The following TATDN2 variants were observed in gnomAD, a reference collection of about 807,000 sequenced individuals.
TATDN2 encodes TatD DNase domain containing 2.
A neutral mutation model predicts 60.3 loss-of-function variants in TATDN2; 44 were observed. That is an observed-to-expected ratio of 0.73 (90% confidence interval 0.57 to 0.94). The LOEUF is 0.94. TATDN2 is among the 40% of genes least tolerant of loss of function. The pLI is 0.00. For missense variants in TATDN2, 997 were observed against 948.0 expected (o/e 1.05, Z -0.68); for synonymous variants, 399 against 355.8 (o/e 1.12, Z -1.37).
chr3:10,249,588 C>G lies in TATDN2; in HGVS notation c.388C>G (p.Leu130Val), dbSNP rs1226069178. 4 of 1,528,982 alleles carry G rather than the reference C, an allele frequency of 2.6e-6. No individual in the cohort carries two copies. Among genetic ancestry groups the G allele is most frequent in the Non-Finnish European group, 3.5e-6 (4 of 1,140,130 alleles). 94.7% of individuals were successfully genotyped at this position (1,528,982 alleles called of 1,614,324 possible). A position where few individuals can be genotyped will look rare whatever the true frequency, so the allele number is the denominator to read the frequency against. Residue 130 changes from leucine (L) to valine (V), a missense_variant, in exon 2 of 8, where the codon CTA becomes GTA. Physicochemically the swap from Leu to Val is conservative, Grantham distance 32. Transcript: ENST00000448281. ...CGCCTCTTTGGAAGAAATGGCTTCT[C>G]TAGAGGAGGAAGCCTGCAGCCTTAA... ...ANASLEEMAS[L>V]EEEACSLKVD...
chr3:10,276,511 G>A (rs770406567), intron 5 of TATDN2, 23 bp downstream of exon 5: 25 of 1,611,268 alleles, frequency 1.6e-5, no homozygotes, highest in Admixed American at 3.4e-5. Flanking sequence ...GAACTTCAGC[G>A]GGCAAATGAA....
At chr3:10,260,736 T>C in intron 3 of TATDN2, 66 bp downstream of exon 3, 1 of 1,532,602 alleles carries the variant, frequency 6.5e-7, no homozygotes, top group Non-Finnish European at 8.8e-7. Flanking sequence ...TCCATCTTTC[T>C]AGTTTGATCC....
chr3:10,279,314 A>G lies in TATDN2; in HGVS notation c.*132A>G, dbSNP rs1163468797. 1 of 201,816 alleles carries G rather than the reference A, an allele frequency of 5.0e-6. No homozygotes were observed. 12.5% of individuals were successfully genotyped at this position (201,816 alleles called of 1,614,324 possible). ...AGAGCTGATTGGAACACAGAAAACC[A>G]GGACAGGATGTTTTCCTCCAAGCGG... On this transcript the variant is annotated 3_prime_UTR_variant, in exon 8 of 8. Coordinates refer to ENST00000448281, the MANE Select transcript of TATDN2 (RefSeq NM_014760.4).
intron 3 of TATDN2, among the ~76,000 whole-genome samples, chr3:10,266,804 C>T (rs1380649902): frequency 6.6e-6 from 1 of 152,080 alleles, no homozygotes; most frequent in African/African-American, 2.4e-5. Context: ...TAGAAATGTT[C>T]TTGTGGGCTG....
At chr3:10,276,245 T>G (rs1162434102) in intron 4 of TATDN2, 116 bp from the exon 5 acceptor site, 3 of 1,281,872 alleles carry the variant, frequency 2.3e-6, no homozygotes, top group African/African-American at 1.5e-5. Flanking sequence ...TATTATTACA[T>G]TATATAGTTA....
At chr3:10,257,841 ATTTTTTTTTTT>A (rs553265148) in intron 2 of TATDN2, among the ~76,000 whole-genome samples, 952 of 30,242 alleles carry the variant, frequency 0.031, 14 homozygotes, top group African/African-American at 0.082. Flanking sequence ...AAGGTTTATG[ATTTTTTTTTTT>A]TTTTTTTTTT....
chr3:10,263,386 G>A (rs1352511504), intron 3 of TATDN2, among the ~76,000 whole-genome samples: 6 of 152,008 alleles, frequency 3.9e-5, no homozygotes, highest in South Asian at 4.1e-4. Context: ...TTTTCTTTCC[G>A]TATTTTTCTT....
chr3:10,263,062 G>A (rs943536569), intron 3 of TATDN2, among the ~76,000 whole-genome samples: 4 of 152,066 alleles, frequency 2.6e-5, no homozygotes, highest in African/African-American at 7.2e-5. Flanking sequence ...CACCACACCC[G>A]GCTAATTTTT....
chr3:10,278,495 G>A lies in TATDN2; in HGVS notation c.2145+33G>A, dbSNP rs373732548. ...GGTCTTCAGGCTGAGTGGAGGCACC[G>A]GAGGGAGAGGGTGGGGAGGTGGGTG... On this transcript the variant is annotated intron_variant, in intron 6 of 7. Transcript: ENST00000448281. This position sits in a 1 kb window ranked among gnomAD's most constrained non-coding sequence, Gnocchi z 4.7. 3.3e-5 allele frequency: 53 copies of A among 1,603,198 alleles called. No individual in the cohort carries two copies. The highest frequency in any genetic ancestry group is 5.4e-5 in the African/African-American group (4 of 74,754).
chr3:10,271,407 G>A (rs1698561955), intron 4 of TATDN2, among the ~76,000 whole-genome samples: 1 of 152,148 alleles, frequency 6.6e-6, no homozygotes, highest in Admixed American at 6.5e-5. Flanking sequence ...TCCGCCTCCT[G>A]GGTTCAAACT....
chr3:10,254,516 G>A (rs563650964), intron 2 of TATDN2, among the ~76,000 whole-genome samples: 1 of 152,308 alleles, frequency 6.6e-6, no homozygotes. Flanking sequence ...TAGACAGGAA[G>A]GCTGGGGCCA....
chr3:10,260,057 C>A (rs1013909756), intron 2 of TATDN2, 80 bp from the exon 3 acceptor site: 24 of 1,481,320 alleles, frequency 1.6e-5, no homozygotes, highest in Non-Finnish European at 2.2e-5. Context: ...AGAACCACCA[C>A]TGATTTATAA....
chr3:10,278,219 G>A lies in TATDN2; in HGVS notation c.1962-60G>A, dbSNP rs1403032725. On this transcript the variant is annotated intron_variant, in intron 5 of 7. Coordinates refer to ENST00000448281, the MANE Select transcript of TATDN2 (RefSeq NM_014760.4). The surrounding 1 kb of genome is among the most constrained non-coding windows in gnomAD (Gnocchi z 4.7). ...TGAAAAGGGGTGATGGGTGTGGGGG[G>A]AGCTGGGGGCTGCTGCAGAGGGGAC... is the stretch of plus-strand genomic sequence containing the variant. 2.6e-6 allele frequency: 4 copies of A among 1,557,820 alleles called. No individual in the cohort carries two copies. In the East Asian group the frequency reaches 6.8e-5, roughly 26 times the overall value.
chr3:10,260,088 C>CGAA, intron 2 of TATDN2, 49 bp from the exon 3 acceptor site: 6 of 1,554,110 alleles, frequency 3.9e-6, no homozygotes, highest in Non-Finnish European at 5.2e-6. Context: ...GCTTCATGTA[C>CGAA]GAAAGTGCCC....
intron 4 of TATDN2, 97 bp from the exon 5 acceptor site, chr3:10,276,260 AAGAG>A (rs901285085): frequency 2.8e-5 from 40 of 1,442,426 alleles, no homozygotes; most frequent in Non-Finnish European, 3.5e-5. Context: ...TAGTTAAAAA[AAGAG>A]AGACACAGGG....
chr3:10,260,489 T>A lies in TATDN2; in HGVS notation c.767T>A (p.Val256Asp). The A allele has an allele frequency of 3.7e-6, 6 of 1,613,738 alleles. No homozygotes were observed. Among genetic ancestry groups the A allele is most frequent in the Non-Finnish European group, 5.1e-6 (6 of 1,179,876 alleles). Residue 256 changes from valine (V) to aspartate (D), a missense_variant, in exon 3 of 8, where the codon GTC (valine) becomes GAC (aspartate). Transcript: ENST00000448281. ...AAGGAGAAAGACGCAACCCCAGAGG[T>A]CAGCATGGAGGAGGATAAGACAGTG... Reference protein sequence around the residue: ...AQKEKDATPEVSMEEDKTVPE... With the variant: ...AQKEKDATPEDSMEEDKTVPE...
chr3:10,258,143 T>A (rs964674327), intron 2 of TATDN2, among the ~76,000 whole-genome samples: 4 of 151,614 alleles, frequency 2.6e-5, no homozygotes, highest in African/African-American at 9.7e-5. Context: ...CGCGCCCAGC[T>A]AGGTTTATGA....
At chr3:10,250,547 C>T (rs1559458313) in intron 2 of TATDN2, among the ~76,000 whole-genome samples, 1 of 151,928 alleles carries the variant, frequency 6.6e-6, no homozygotes, top group Non-Finnish European at 1.5e-5. Context: ...TAAAACAGGC[C>T]CTAAGGAATA....
At chr3:10,271,951 G>C (rs1698572304) in intron 4 of TATDN2, among the ~76,000 whole-genome samples, 1 of 151,044 alleles carries the variant, frequency 6.6e-6, no homozygotes, top group Non-Finnish European at 1.5e-5. Context: ...CTAGTCTCGA[G>C]CTCCTGACCT....
Sources: gnomAD v4.1 joint callset for allele counts (sites outside exome capture counted in the v4.1 genomes callset) on GRCh38, gnomAD v4.1.1 for gene constraint, Gnocchi (gnomAD v3.1) non-coding constraint, MANE v1.5 for transcripts, NCBI Gene and HGNC (gene_info 2026-07-23, HGNC 2026-07-21) for gene names.